Variants in CCDC125 observed in about 807,000 individuals in gnomAD.
CCDC125 encodes coiled-coil domain-containing protein 125.
A neutral mutation model predicts 57.4 loss-of-function variants in CCDC125; 43 were observed. The ratio of observed to expected loss-of-function variants is 0.75; its 90% CI spans 0.59 to 0.97. The LOEUF is 0.97. Ranked by LOEUF, CCDC125 falls within the 50% of genes least tolerant of loss-of-function variation. The pLI, the probability that CCDC125 is intolerant of heterozygous loss-of-function variation, is 0.00. For missense variants in CCDC125, 563 were observed against 595.7 expected, an observed-to-expected ratio of 0.95 and a Z score of 0.57; for synonymous variants, 187 against 195.2, an observed-to-expected ratio of 0.96 and a Z score of 0.35.
intron 1 of CCDC125, among the ~76,000 whole-genome samples, chr5:69,327,587 G>A (rs570143316): frequency 6.6e-6 from 1 of 152,272 alleles, no homozygotes; most frequent in Admixed American, 6.5e-5. Flanking sequence ...GCACTGACTC[G>A]AGAGGTCTGG....
intron 3 of CCDC125, chr5:69,313,652 C>T (rs1235206594): frequency 2.7e-6 from 2 of 746,136 alleles, no homozygotes; most frequent in African/African-American, 1.7e-5. Flanking sequence ...CCGGTAGCAT[C>T]TTGACAAAGG....
At chr5:69,320,667 A>G (rs553752885) in intron 1 of CCDC125, 87 bp from the exon 2 acceptor site, 5 of 638,438 alleles carry the variant, frequency 7.8e-6, no homozygotes, top group Admixed American at 5.8e-5. Context: ...ATTTGAAATC[A>G]GTATGTCAAA....
intron 4 of CCDC125, 113 bp downstream of exon 4, chr5:69,311,005 T>TA (rs921347112): frequency 1.0e-5 from 6 of 578,938 alleles, no homozygotes; most frequent in Admixed American, 3.5e-5. Context: ...TATACATACC[T>TA]AAAAAAACCC....
At chr5:69,297,161 G>A (rs1364164005) in intron 8 of CCDC125, among the ~76,000 whole-genome samples, 2 of 151,988 alleles carry the variant, frequency 1.3e-5, no homozygotes, top group African/African-American at 4.8e-5. Flanking sequence ...TGCCTCCCAA[G>A]TTCAAACTGA....
chr5:69,327,897 T>G (rs1016916251), intron 1 of CCDC125, among the ~76,000 whole-genome samples: 1 of 152,216 alleles, frequency 6.6e-6, no homozygotes, highest in Non-Finnish European at 1.5e-5. Flanking sequence ...CTCCAGACTA[T>G]TAGGTTTTGC....
At chr5:69,290,094 C>T (rs1198948240) in intron 10 of CCDC125, among the ~76,000 whole-genome samples, 1 of 151,950 alleles carries the variant, frequency 6.6e-6, no homozygotes, top group Non-Finnish European at 1.5e-5. Flanking sequence ...CTCTGTAGTT[C>T]TGATTTACTG....
intron 10 of CCDC125, among the ~76,000 whole-genome samples, chr5:69,285,886 G>A (rs1451023314): frequency 1.3e-5 from 2 of 152,066 alleles, no homozygotes; most frequent in African/African-American, 2.4e-5. Flanking sequence ...CTCTGCTTCC[G>A]AACAGCAAAG....
rs1307553566 is a variant in CCDC125 at position 69,323,530 on chromosome 5, T to C, written c.-40-2950A>G. Among the ~76,000 whole-genome samples, 12 of 152,188 alleles carry C rather than the reference T, an allele frequency of 7.9e-5. No individual in the cohort carries two copies. In the East Asian group the frequency reaches 2.3e-3, roughly 29 times the overall value. ...TTTTGGAACACTGTGGATTTTTTTT[T>C]CCAAATATTTTCAACCCTGGTTGGT... On this transcript the variant is annotated intron_variant, in intron 1 of 11. Transcript: ENST00000396496.
At chr5:69,331,311 C>T (rs1427397366) in intron 1 of CCDC125, among the ~76,000 whole-genome samples, 1 of 151,954 alleles carries the variant, frequency 6.6e-6, no homozygotes, top group Non-Finnish European at 1.5e-5. Flanking sequence ...CGGCTCACTG[C>T]AACCTAGACC....
At position 69,285,389 on chromosome 5, in the gene CCDC125, C is replaced by T. The variant is rs540311990; in HGVS notation, c.1178G>A (p.Arg393Lys). The change falls in exon 11 of 12, where the codon AGG (arginine) becomes AAG (lysine). Residue 393 changes from arginine to lysine, a missense_variant. Transcript: ENST00000396496. Reference protein sequence around the residue: ...GMLPSENSSKRMEDQDSPQEV... With the variant: ...GMLPSENSSKKMEDQDSPQEV... ...TTGAGGACTGTCCTGGTCTTCCATC[C>T]TCTTAGAACTGTTTTCTGAAGGGAG... 329 of 1,612,790 alleles carry T rather than the reference C, an allele frequency of 2.0e-4. 6 individuals carry two copies. In the South Asian group the frequency reaches 3.3e-3, roughly 16 times the overall value.
chr5:69,313,702 C>G, intron 3 of CCDC125: 1 of 764,834 alleles, frequency 1.3e-6, no homozygotes, highest in Non-Finnish European at 2.4e-6. Flanking sequence ...ACATTGCCCA[C>G]CAGTATCTCC....
intron 4 of CCDC125, chr5:69,309,544 G>A (rs1757832698): frequency 1.3e-5 from 2 of 152,292 alleles, no homozygotes; most frequent in African/African-American, 2.4e-5. Flanking sequence ...TTCAGAAGAT[G>A]TATGGCAATG....
chr5:69,311,248 C>A (rs1336964896), intron 3 of CCDC125, 44 bp from the exon 4 acceptor site: 4 of 1,187,158 alleles, frequency 3.4e-6, no homozygotes, highest in Non-Finnish European at 5.0e-6. Context: ...GCAAGATATG[C>A]AACCCTAAAA....
intron 6 of CCDC125, among the ~76,000 whole-genome samples, chr5:69,305,419 G>C (rs529239191): frequency 1.3e-5 from 2 of 152,140 alleles, no homozygotes; most frequent in Non-Finnish European, 1.5e-5. Context: ...CGCCACATTA[G>C]CCAGGTTGGT....
chr5:69,301,627 G>T (rs1287887976), intron 7 of CCDC125, among the ~76,000 whole-genome samples: 1 of 151,876 alleles, frequency 6.6e-6, no homozygotes, highest in Non-Finnish European at 1.5e-5. Flanking sequence ...TCCCAGCTAC[G>T]TGGTAGGCCA....
intron 7 of CCDC125, among the ~76,000 whole-genome samples, chr5:69,300,580 G>A (rs1052185907): frequency 5.3e-5 from 8 of 152,140 alleles, no homozygotes; most frequent in African/African-American, 1.7e-4. Context: ...TTTAGAGAGG[G>A]GTCCTGCTGT....
chr5:69,291,622 T>C (rs1054755570), intron 10 of CCDC125, among the ~76,000 whole-genome samples: 1 of 152,228 alleles, frequency 6.6e-6, no homozygotes, highest in African/African-American at 2.4e-5. Context: ...CTCAAAGTGC[T>C]AGGATTACAG....
intron 10 of CCDC125, among the ~76,000 whole-genome samples, chr5:69,291,508 C>T (rs1232249298): frequency 6.6e-6 from 1 of 152,096 alleles, no homozygotes; most frequent in Non-Finnish European, 1.5e-5. Context: ...GCATGTGCTA[C>T]CACGCCCGGC....
intron 2 of CCDC125, among the ~76,000 whole-genome samples, chr5:69,318,682 G>A (rs900470847): frequency 6.6e-6 from 1 of 151,880 alleles, no homozygotes; most frequent in Non-Finnish European, 1.5e-5. Context: ...GAACCCAGGA[G>A]GCGGAGGTTG....
Sources: allele counts gnomAD v4.1 joint callset (sites outside exome capture counted in the v4.1 genomes callset), GRCh38; gene constraint gnomAD v4.1.1; transcripts MANE v1.5; gene names NCBI Gene and HGNC (gene_info 2026-07-23, HGNC 2026-07-21).